Variants in TNFAIP8 observed in about 807,000 individuals in gnomAD.
TNFAIP8 encodes the protein TNF alpha induced protein 8.
Under a neutral mutation model 13.3 loss-of-function variants are expected in TNFAIP8, and 7 were observed. The observed-to-expected ratio is 0.52, with a 90% CI of 0.30 to 0.99. TNFAIP8 has a LOEUF of 0.99. Ranked by LOEUF, TNFAIP8 falls within the 50% of genes least tolerant of loss-of-function variation. The pLI is 0.07. For missense variants in TNFAIP8, 258 were observed against 236.9 expected, an observed-to-expected ratio of 1.09 and a Z score of -0.58; for synonymous variants, 94 against 87.6, an observed-to-expected ratio of 1.07 and a Z score of -0.41.
chr5:119,331,159 TAG>T (rs1209345863), intron 1 of TNFAIP8, among the ~76,000 whole-genome samples: 2 of 152,082 alleles, frequency 1.3e-5, no homozygotes, highest in Non-Finnish European at 2.9e-5. Context: ...TGAACCTACC[TAG>T]AGTGTCTTAA....
rs190089395 is a variant in TNFAIP8 at position 119,305,940 on chromosome 5, C to T, written c.1+37033C>T. ...CCACTTACCTGTGCCGTGCACCTGG[C>T]TCCGGATCCTTCTGGCCACCCTCCA... is the stretch of plus-strand genomic sequence containing the variant. On this transcript the variant is annotated intron_variant, in intron 1 of 1. Transcript: ENST00000274456. Among the ~76,000 whole-genome samples the T allele has an allele frequency of 1.9e-3, 293 of 152,344 alleles. 1 individual carries two copies. Among genetic ancestry groups the T allele is most frequent in the Admixed American group, 0.01 (159 of 15,300 alleles).
chr5:119,336,054 G>A (rs1187804966), intron 1 of TNFAIP8, among the ~76,000 whole-genome samples: 1 of 152,040 alleles, frequency 6.6e-6, no homozygotes, highest in African/African-American at 2.4e-5. Context: ...AGGTGAGAAT[G>A]GGCTGATGTG....
At chr5:119,344,348 A>G (rs1187109844) in intron 1 of TNFAIP8, among the ~76,000 whole-genome samples, 1 of 152,066 alleles carries the variant, frequency 6.6e-6, no homozygotes, top group Non-Finnish European at 1.5e-5. Flanking sequence ...GCAAGGACTC[A>G]CTCGTTACCA....
intron 1 of TNFAIP8, among the ~76,000 whole-genome samples, chr5:119,288,202 T>C (rs1748862782): frequency 6.6e-6 from 1 of 152,226 alleles, no homozygotes; most frequent in Non-Finnish European, 1.5e-5. Context: ...ATATACACAG[T>C]TTAATGTTCT....
chr5:119,306,840 A>G (rs1463394600), intron 1 of TNFAIP8, among the ~76,000 whole-genome samples: 4 of 152,176 alleles, frequency 2.6e-5, no homozygotes, highest in African/African-American at 7.2e-5. Context: ...AATAAAGGCT[A>G]TAGGGTAAAG....
intron 1 of TNFAIP8, among the ~76,000 whole-genome samples, chr5:119,287,393 T>C (rs1748834986): frequency 6.6e-6 from 1 of 151,800 alleles, no homozygotes; most frequent in South Asian, 2.1e-4. Context: ...GTGTAATGAT[T>C]ACCACAGTCA....
intron 1 of TNFAIP8, among the ~76,000 whole-genome samples, chr5:119,324,120 C>G (rs1027335168): frequency 1.3e-5 from 2 of 151,120 alleles, no homozygotes; most frequent in Admixed American, 6.6e-5. Context: ...ACCAAAAATT[C>G]AAAAATTAGC....
upstream of TNFAIP8, among the ~76,000 whole-genome samples, chr5:119,351,045 G>T (rs1361561076): frequency 6.7e-6 from 1 of 149,688 alleles, no homozygotes; most frequent in Non-Finnish European, 1.5e-5. Context: ...TAGAGAGAGA[G>T]AGGGGTCTCA....
chr5:119,392,716 A>G, intron 1 of TNFAIP8, 100 bp from the exon 2 acceptor site: 1 of 1,319,250 alleles, frequency 7.6e-7, no homozygotes, highest in Non-Finnish European at 1.0e-6. Context: ...ATGGTGGGAA[A>G]ATGAGGAAAA....
upstream of TNFAIP8, chr5:119,355,376 GC>G (rs1751347227): frequency 1.4e-6 from 1 of 702,438 alleles, no homozygotes; most frequent in Admixed American, 2.0e-5. Context: ...AGCCCCGTCT[GC>G]TTTTGCTGTG....
upstream of TNFAIP8, chr5:119,355,120 C>T (rs1407159453): frequency 1.8e-6 from 1 of 571,140 alleles, no homozygotes; most frequent in Admixed American, 3.0e-5. Context: ...GCCTGTGGGC[C>T]AGACCCGGGG....
chr5:119,282,243 T>A (rs1748654061), intron 1 of TNFAIP8, among the ~76,000 whole-genome samples: 1 of 151,584 alleles, frequency 6.6e-6, no homozygotes, highest in Non-Finnish European at 1.5e-5. Context: ...TAGCTGTAGG[T>A]TTTTTATCTT....
intron 1 of TNFAIP8, among the ~76,000 whole-genome samples, chr5:119,383,618 T>C (rs1752567281): frequency 6.6e-6 from 1 of 152,200 alleles, no homozygotes; most frequent in African/African-American, 2.4e-5. Context: ...ATTGCAAGCC[T>C]CCAAGACTTC....
At chr5:119,353,644 T>C (rs959736238), upstream of TNFAIP8, among the ~76,000 whole-genome samples, 9 of 112,678 alleles carry the variant, frequency 8.0e-5, no homozygotes, top group Non-Finnish European at 1.6e-4. Flanking sequence ...GAATCTAAAA[T>C]GAATTATAAG....
intron 1 of TNFAIP8, among the ~76,000 whole-genome samples, chr5:119,286,978 C>T (rs1301328866): frequency 6.6e-6 from 1 of 152,170 alleles, no homozygotes; most frequent in African/African-American, 2.4e-5. Context: ...CATTTCTAAA[C>T]CCTGCATTGT....
intron 1 of TNFAIP8, among the ~76,000 whole-genome samples, chr5:119,387,442 T>G (rs1752723678): frequency 6.6e-6 from 1 of 152,224 alleles, no homozygotes; most frequent in African/African-American, 2.4e-5. Flanking sequence ...TTGTCATCAC[T>G]GTTAAAGAGT....
chr5:119,379,563 C>G (rs1360556050), intron 1 of TNFAIP8, among the ~76,000 whole-genome samples: 1 of 151,980 alleles, frequency 6.6e-6, no homozygotes, highest in Non-Finnish European at 1.5e-5. Flanking sequence ...ATGTGTTTGA[C>G]CTGTGCTCCT....
Position 119,393,239 on chromosome 5 carries a change from A to G in TNFAIP8, c.455A>G (p.His152Arg), listed in dbSNP as rs976303138. ...IIQRHLTAKS[H>R]GRVNNVFDHF... ...CAGCGCCACCTCACTGCCAAGTCAC[A>G]TGGACGGGTTAATAATGTGTTTGAT... The change falls in exon 2 of 2, where the codon CAT becomes CGT. Residue 152 changes from histidine (H) to arginine (R), a missense_variant. His to Arg is a conservative substitution (Grantham distance 29, BLOSUM62 0). Transcript: ENST00000504771. The G allele has an allele frequency of 1.2e-6, 2 of 1,613,922 alleles. No homozygotes were observed. The highest frequency in any genetic ancestry group is 1.7e-6 in the Non-Finnish European group (2 of 1,179,898).
intron 1 of TNFAIP8, among the ~76,000 whole-genome samples, chr5:119,371,917 C>T (rs767351182): frequency 1.3e-5 from 2 of 151,650 alleles, no homozygotes; most frequent in African/African-American, 4.8e-5. Context: ...GCGGGCAGAT[C>T]ACAAAGTCAG....
Sources: gnomAD v4.1 joint callset for allele counts (sites outside exome capture counted in the v4.1 genomes callset) on GRCh38, gnomAD v4.1.1 for gene constraint, MANE v1.5 for transcripts, NCBI Gene and HGNC (gene_info 2026-07-23, HGNC 2026-07-21) for gene names.